The following ADGRV1 variants were observed in gnomAD, a reference collection of about 807,000 sequenced individuals.
ADGRV1 encodes the protein G-protein coupled receptor 98.
ADGRV1 carries 359 observed loss-of-function variants against 596.2 expected under a neutral mutation model. The ratio of observed to expected loss-of-function variants is 0.60; its 90% confidence interval spans 0.55 to 0.66. The LOEUF is 0.66. ADGRV1 is among the 30% of genes least tolerant of loss of function. The pLI, the probability that ADGRV1 is intolerant of heterozygous loss-of-function variation, is 0.00. For synonymous variants in ADGRV1, 2,681 were observed against 2,679.2 expected, an observed-to-expected ratio of 1.00 and a Z score of -0.02; for missense variants, 7,274 against 7,575.6, an observed-to-expected ratio of 0.96 and a Z score of 1.48.
chr5:90,789,761 GA>G lies in ADGRV1; in HGVS notation c.13955del (p.Lys4652ArgfsTer35), dbSNP rs1162769052. 1 of 1,559,152 alleles carries G rather than the reference GA, an allele frequency of 6.4e-7. No homozygotes were observed. ...VQFAPETLSKKTYSEPLALEG... is the reference protein window; with the variant it reads ...VQFAPETLSKXTYSEPLALEG... ...AGTTTGCTCCTGAAACTTTGTCTAA[GA>G]AGACTTATTCAGAGCCTCTGGCTCT... On this transcript the variant is annotated frameshift_variant, in exon 69 of 90. Coordinates refer to ENST00000405460, the MANE Select transcript of ADGRV1 (RefSeq NM_032119.4). LOFTEE classifies it high-confidence loss of function.
intron 83 of ADGRV1, among the ~76,000 whole-genome samples, chr5:90,932,794 T>TTGTG (rs35670367): frequency 2.1e-4 from 31 of 150,384 alleles, no homozygotes; most frequent in East Asian, 1.2e-3. Context: ...TTGTCGTGAG[T>TTGTG]TGTGTGTGTG....
intron 85 of ADGRV1, among the ~76,000 whole-genome samples, chr5:90,993,145 T>C (rs1254736788): frequency 6.7e-6 from 1 of 149,388 alleles, no homozygotes; most frequent in East Asian, 2.0e-4. Flanking sequence ...TGTCTTTCCT[T>C]GGTTTTCACT....
intron 86 of ADGRV1, among the ~76,000 whole-genome samples, chr5:91,095,669 A>G (rs1790790411): frequency 6.6e-6 from 1 of 152,238 alleles, no homozygotes; most frequent in Admixed American, 6.5e-5. Context: ...GAATTTCAGA[A>G]TAAAGACCTA....
chr5:90,745,383 A>G, intron 51 of ADGRV1, 118 bp downstream of exon 51: 1 of 753,002 alleles, frequency 1.3e-6, no homozygotes, highest in South Asian at 2.1e-5. Flanking sequence ...GCTATTTATC[A>G]GCCTGAAATT....
chr5:91,082,852 A>G (rs1198330650), intron 86 of ADGRV1, among the ~76,000 whole-genome samples: 2 of 152,124 alleles, frequency 1.3e-5, no homozygotes, highest in East Asian at 3.9e-4. Flanking sequence ...TTTTCCATGT[A>G]TTATTTGTTG....
chr5:90,919,985 A>G (rs1773726126), intron 83 of ADGRV1, among the ~76,000 whole-genome samples: 1 of 142,526 alleles, frequency 7.0e-6, no homozygotes, highest in Non-Finnish European at 1.5e-5. Context: ...CAAGAGTGAA[A>G]CTCCATCTCA....
chr5:90,776,318 A>G (rs1053398312), intron 60 of ADGRV1, 135 bp from the exon 61 acceptor site: 1 of 840,740 alleles, frequency 1.2e-6, no homozygotes, highest in African/African-American at 1.7e-5. Context: ...AAATGAGGAT[A>G]TTAATACCTT....
chr5:90,716,718 G>A lies in ADGRV1; in HGVS notation c.9436G>A (p.Val3146Ile). The change falls in exon 43 of 90, where the codon GTT becomes ATT. Residue 3146 changes from valine (V) to isoleucine (I), a missense_variant. Physicochemically the swap from Val to Ile is conservative, Grantham distance 29. Coordinates refer to ENST00000405460, the MANE Select transcript of ADGRV1 (RefSeq NM_032119.4). ...AGGCTATATTGTTTTAGAAGAAGGTGTTCGATTCAAGGTACAGTAAGAAGC... is the reference window on the plus strand; with the variant it reads ...AGGCTATATTGTTTTAGAAGAAGGTATTCGATTCAAGGTACAGTAAGAAGC... ...SKGYIVLEEG[V>I]RFKALQISAI... 6.2e-7 allele frequency: 1 copy of A among 1,611,828 alleles called. No individual in the cohort carries two copies. The highest frequency in any genetic ancestry group is 2.2e-5 in the East Asian group (1 of 44,850).
At chr5:90,911,562 A>C (rs964232285) in intron 83 of ADGRV1, among the ~76,000 whole-genome samples, 10 of 152,198 alleles carry the variant, frequency 6.6e-5, no homozygotes, top group Non-Finnish European at 1.5e-4. Context: ...AGTTTATTTT[A>C]GCTTTTGGCA....
At chr5:90,854,852 G>T (rs1251983418) in intron 81 of ADGRV1, among the ~76,000 whole-genome samples, 1 of 152,052 alleles carries the variant, frequency 6.6e-6, no homozygotes, top group African/African-American at 2.4e-5. Flanking sequence ...ATTCTAAATA[G>T]GTTTAATACA....
chr5:90,853,666 A>G lies in ADGRV1; in HGVS notation c.17454+133A>G, dbSNP rs140793095. On this transcript the variant is annotated intron_variant, in intron 80 of 89. Coordinates refer to ENST00000405460, the MANE Select transcript of ADGRV1 (RefSeq NM_032119.4). Reference sequence around the variant, plus strand: ...GGTGAACTACTATGAAATGTGTTCCATCTTTATGAACTATTTGTAGAAAGT... The same window carrying G: ...GGTGAACTACTATGAAATGTGTTCCGTCTTTATGAACTATTTGTAGAAAGT... 147 of 771,620 alleles carry G rather than the reference A, an allele frequency of 1.9e-4. 1 individual carries two copies. In the East Asian group the frequency reaches 3.9e-3, roughly 20 times the overall value. The allele number at this position is 771,620 out of a possible 1,614,324, so 47.8% of individuals were successfully genotyped here.
intron 83 of ADGRV1, among the ~76,000 whole-genome samples, chr5:90,896,049 T>C (rs1771280664): frequency 6.6e-6 from 1 of 152,068 alleles, no homozygotes; most frequent in Admixed American, 6.6e-5. Context: ...ATCAAAATGA[T>C]CAAGCTAACT....
intron 87 of ADGRV1, among the ~76,000 whole-genome samples, chr5:91,139,645 A>C (rs768299181): frequency 5.3e-5 from 8 of 152,230 alleles, no homozygotes; most frequent in Non-Finnish European, 1.2e-4. Context: ...TAGAAGGAGT[A>C]ACATGTAGTT....
Position 90,886,507 on chromosome 5 carries a change from A to C in ADGRV1, c.17856+22650A>C, listed in dbSNP as rs575855511. Among the ~76,000 whole-genome samples the C allele has an allele frequency of 2.6e-5, 4 of 152,308 alleles. No homozygotes were observed. In the East Asian group the frequency reaches 7.7e-4, roughly 29 times the overall value. On this transcript the variant is annotated intron_variant, in intron 83 of 89. Transcript: ENST00000405460. Reference sequence around the variant, plus strand: ...AGGAATTGTATACTAAAATTATAGAAATATTACTCCATACTCTCTCGATAA... The same window carrying C: ...AGGAATTGTATACTAAAATTATAGACATATTACTCCATACTCTCTCGATAA...
intron 75 of ADGRV1, among the ~76,000 whole-genome samples, chr5:90,816,260 C>G (rs1762881025): frequency 6.6e-6 from 1 of 151,892 alleles, no homozygotes; most frequent in South Asian, 2.1e-4. Flanking sequence ...TAGAAAAATC[C>G]TTTTTAAAAG....
At chr5:90,857,555 T>C (rs556449252) in intron 82 of ADGRV1, among the ~76,000 whole-genome samples, 26 of 152,338 alleles carry the variant, frequency 1.7e-4, no homozygotes, top group African/African-American at 6.3e-4. Flanking sequence ...GCTCATGTAT[T>C]TGAGAATCAA....
intron 85 of ADGRV1, among the ~76,000 whole-genome samples, chr5:91,000,015 T>G (rs934396204): frequency 6.6e-6 from 1 of 152,080 alleles, no homozygotes; most frequent in Admixed American, 6.5e-5. Context: ...ATTTTTCTTA[T>G]AAAATTAATC....
At chr5:90,738,144 A>G (rs1450438166) in intron 50 of ADGRV1, among the ~76,000 whole-genome samples, 2 of 152,072 alleles carry the variant, frequency 1.3e-5, no homozygotes, top group Non-Finnish European at 2.9e-5. Flanking sequence ...AACATCTTGT[A>G]CTCAGAAACA....
At chr5:90,662,883 T>A (rs1259212691) in intron 21 of ADGRV1, among the ~76,000 whole-genome samples, 3 of 152,038 alleles carry the variant, frequency 2.0e-5, no homozygotes, top group African/African-American at 7.2e-5. Context: ...GTTCTTGCGA[T>A]ACTTTACTGA....
Sources: allele counts gnomAD v4.1 joint callset (sites outside exome capture counted in the v4.1 genomes callset), GRCh38; gene constraint gnomAD v4.1.1; transcripts MANE v1.5; gene names NCBI Gene and HGNC (gene_info 2026-07-23, HGNC 2026-07-21).